Variants in VIPR1 observed in about 807,000 individuals in gnomAD.
The protein encoded by VIPR1 is vasoactive intestinal peptide receptor 1.
A neutral mutation model predicts 58.8 loss-of-function variants in VIPR1; 59 were observed. The observed-to-expected ratio is 1.00, with a 90% CI of 0.81 to 1.25. The LOEUF (loss-of-function observed/expected upper bound fraction) is 1.25. VIPR1 is among the 50% of genes most tolerant of loss of function. VIPR1 has a pLI of 0.00. For missense variants in VIPR1, 626 were observed against 602.7 expected (o/e 1.04, Z -0.40); for synonymous variants, 251 against 242.1 (o/e 1.04, Z -0.34).
chr3:42,501,006 G>A (rs563754319), upstream of VIPR1, among the ~76,000 whole-genome samples: 11 of 152,284 alleles, frequency 7.2e-5, no homozygotes, highest in East Asian at 2.1e-3. This position sits in a 1 kb window ranked among gnomAD's most constrained non-coding sequence, Gnocchi z 4.8. Context: ...ACAGGGCCTG[G>A]CACACAGAAA....
intron 1 of VIPR1, among the ~76,000 whole-genome samples, chr3:42,512,471 G>A (rs1700404556): frequency 6.6e-6 from 1 of 152,188 alleles, no homozygotes; most frequent in Non-Finnish European, 1.5e-5. Flanking sequence ...AATGGTCAAA[G>A]TACTAAGCAC....
intron 2 of VIPR1, among the ~76,000 whole-genome samples, chr3:42,514,568 C>CACACAT (rs1268910906): frequency 6.7e-6 from 1 of 149,996 alleles, no homozygotes; most frequent in Non-Finnish European, 1.5e-5. Context: ...CACACACACA[C>CACACAT]ACACATACAC....
intron 8 of VIPR1, 109 bp from the exon 9 acceptor site, chr3:42,531,694 G>A: frequency 1.3e-6 from 2 of 1,553,912 alleles, no homozygotes; most frequent in Admixed American, 1.7e-5. Flanking sequence ...TCTGGGCCCG[G>A]GGTTGCTAAA....
chr3:42,519,487 GA>G (rs1233860231), intron 3 of VIPR1, 157 bp downstream of exon 3: 3 of 524,036 alleles, frequency 5.7e-6, no homozygotes, highest in African/African-American at 2.0e-5. Context: ...GGTCTTTAAA[GA>G]ACTCACAGGA....
At chr3:42,502,431 T>A (rs116551466), upstream of VIPR1, among the ~76,000 whole-genome samples, 1,968 of 152,316 alleles carry the variant, frequency 0.013, 41 homozygotes, top group African/African-American at 0.044. Context: ...GGCCTATAAA[T>A]GTCTCACGAC....
intron 3 of VIPR1, among the ~76,000 whole-genome samples, chr3:42,523,083 G>GCCCC (rs1701037985): frequency 1.6e-5 from 2 of 125,160 alleles, no homozygotes; most frequent in African/African-American, 7.8e-5. Context: ...TGCATGCCCT[G>GCCCC]ACCCCGCCCC....
chr3:42,512,935 CAT>C (rs1700430881), intron 1 of VIPR1: 11 of 985,500 alleles, frequency 1.1e-5, no homozygotes, highest in Non-Finnish European at 1.3e-5. Flanking sequence ...CCCCCACTCA[CAT>C]GTCTTCCACA....
intron 3 of VIPR1, among the ~76,000 whole-genome samples, chr3:42,521,773 A>C (rs1311583479): frequency 1.3e-5 from 2 of 152,150 alleles, no homozygotes; most frequent in Non-Finnish European, 2.9e-5. Context: ...TTTGAGATAG[A>C]GTCTTGCTCT....
chr3:42,527,457 C>T lies in VIPR1; in HGVS notation c.464C>T (p.Ala155Val), dbSNP rs1303381318. 1 of 1,614,008 alleles carries T rather than the reference C, an allele frequency of 6.2e-7. No individual in the cohort carries two copies. Among genetic ancestry groups the T allele is most frequent in the South Asian group, 1.1e-5 (1 of 91,090 alleles). Residue 155 changes from alanine (A) to valine (V), a missense_variant, in exon 5 of 13, where the codon GCC becomes GTC. Ala to Val is a moderately conservative substitution (Grantham distance 64). Transcript: ENST00000325123. ...GYTIGYGLSL[A>V]TLLVATAILS... ...ACCATTGGCTACGGCCTGTCCCTCG[C>T]CACCCTTCTGGTCGCCACAGCTATC...
chr3:42,527,148 A>T (rs1342105746), intron 4 of VIPR1, among the ~76,000 whole-genome samples: 1 of 152,116 alleles, frequency 6.6e-6, no homozygotes, highest in Non-Finnish European at 1.5e-5. Flanking sequence ...CCTCGTAAAG[A>T]AGCAAAGACA....
intron 2 of VIPR1, among the ~76,000 whole-genome samples, chr3:42,518,504 C>T (rs988858731): frequency 6.6e-6 from 1 of 152,080 alleles, no homozygotes; most frequent in Non-Finnish European, 1.5e-5. Context: ...TTTGGGAGGC[C>T]AAGGTGGGAG....
Position 42,515,457 on chromosome 3 carries a change from A to C in VIPR1, c.184+1603A>C, listed in dbSNP as rs528661562. Reference sequence around the variant, plus strand: ...GTGCAGACAGGCTTTGGCAGGCCCCAGCGGTGGGATCATAGGCAGCCCCAA... The same window carrying C: ...GTGCAGACAGGCTTTGGCAGGCCCCCGCGGTGGGATCATAGGCAGCCCCAA... On this transcript the variant is annotated intron_variant, in intron 2 of 12. Coordinates refer to ENST00000325123, the MANE Select transcript of VIPR1 (RefSeq NM_004624.4). 2.3e-4 allele frequency among the ~76,000 whole-genome samples: 35 copies of C among 152,332 alleles called. 1 individual carries two copies. The South Asian group carries it at 6.8e-3, about 30-fold the overall frequency.
At chr3:42,504,673 C>A (rs201345719) in intron 1 of VIPR1, among the ~76,000 whole-genome samples, 2 of 150,668 alleles carry the variant, frequency 1.3e-5, no homozygotes, top group East Asian at 3.9e-4. Flanking sequence ...TATTTCCCTC[C>A]CTGATTCTCC....
chr3:42,503,117 G>A (rs954489762), intron 1 of VIPR1, among the ~76,000 whole-genome samples: 2 of 152,142 alleles, frequency 1.3e-5, no homozygotes, highest in Non-Finnish European at 2.9e-5. Context: ...GGTGCGCAGC[G>A]GGGTGGGGCG....
intron 1 of VIPR1, among the ~76,000 whole-genome samples, chr3:42,505,300 A>G (rs1470265675): frequency 6.6e-6 from 1 of 152,228 alleles, no homozygotes; most frequent in Non-Finnish European, 1.5e-5. Flanking sequence ...ACCATAAAAC[A>G]GCCTCTGTTG....
At position 42,505,806 on chromosome 3, in the gene VIPR1, G is replaced by A. The variant is rs150970061; in HGVS notation, c.78+2993G>A. Among the ~76,000 whole-genome samples the A allele has an allele frequency of 4.9e-4, 74 of 152,322 alleles. 1 individual carries two copies. Among genetic ancestry groups the A allele is most frequent in the African/African-American group, 1.7e-3 (71 of 41,580 alleles). ...TTTAACTTTTGTGGAAGGGCCTCGGGTTCCTCACCACAAAAGGGAAGGTGA... is the reference window on the plus strand; with the variant it reads ...TTTAACTTTTGTGGAAGGGCCTCGGATTCCTCACCACAAAAGGGAAGGTGA... On this transcript the variant is annotated intron_variant, in intron 1 of 12. Transcript: ENST00000325123.
upstream of VIPR1, among the ~76,000 whole-genome samples, chr3:42,499,454 C>T (rs889914154): frequency 6.6e-6 from 1 of 152,252 alleles, no homozygotes; most frequent in Admixed American, 6.5e-5. Flanking sequence ...CCACTTCTCT[C>T]TCTTTCCCGC....
chr3:42,512,698 T>A, intron 1 of VIPR1: 1 of 976,264 alleles, frequency 1.0e-6, no homozygotes, highest in Non-Finnish European at 1.2e-6. Context: ...TCTGGAGTGG[T>A]CTTGCTGGAC....
At chr3:42,534,936 GAC>G in intron 10 of VIPR1, 37 bp from the exon 11 acceptor site, 1 of 1,610,732 alleles carries the variant, frequency 6.2e-7, no homozygotes, top group Admixed American at 1.7e-5. Context: ...CACATGTGTG[GAC>G]ACACATACCC....
Sources: gnomAD v4.1 joint callset for allele counts (sites outside exome capture counted in the v4.1 genomes callset) on GRCh38, gnomAD v4.1.1 for gene constraint, Gnocchi (gnomAD v3.1) non-coding constraint, MANE v1.5 for transcripts, NCBI Gene and HGNC (gene_info 2026-07-23, HGNC 2026-07-21) for gene names.